Variants in GPC5 observed in about 807,000 individuals in gnomAD.
The protein encoded by GPC5 is glypican-5.
GPC5 carries 47 observed loss-of-function variants against 53.9 expected under a neutral mutation model. The ratio of observed to expected loss-of-function variants is 0.87; its 90% CI spans 0.69 to 1.11. The LOEUF is 1.11. Among genes scored for constraint, GPC5 ranks in the 50% most tolerant of loss-of-function variants. The probability of loss-of-function intolerance (pLI) is 0.00; values close to 1 mark genes in which losing one functional copy is unlikely to be tolerated. For missense variants in GPC5, 748 were observed against 713.1 expected (o/e 1.05, Z -0.56); for synonymous variants, 286 against 263.3 (o/e 1.09, Z -0.84).
At chr13:92,593,059 G>A (rs1405551242) in intron 7 of GPC5, among the ~76,000 whole-genome samples, 1 of 151,242 alleles carries the variant, frequency 6.6e-6, no homozygotes, top group Non-Finnish European at 1.5e-5. Context: ...TGGAGTGAAT[G>A]AGGTTGAGGG....
intron 7 of GPC5, among the ~76,000 whole-genome samples, chr13:92,288,516 G>T (rs12874274): frequency 6.2e-4 from 94 of 152,176 alleles, no homozygotes; most frequent in Non-Finnish European, 7.4e-5. Context: ...CTTCTATTGT[G>T]ACTATAGTCA....
In GPC5 at chr13:92,799,196, A is replaced by C. The variant is rs140950545; in HGVS notation, c.1562-67086A>C. ...CGTAAGTGGGAAGGTGGCTGGCCTT[A>C]TGGTTAATTTCACATACTCTGAAAT... On this transcript the variant is annotated intron_variant, in intron 7 of 7. Coordinates refer to ENST00000377067, the MANE Select transcript of GPC5 (RefSeq NM_004466.6). 2.4e-3 allele frequency among the ~76,000 whole-genome samples: 361 copies of C among 151,908 alleles called. 1 individual carries two copies. Among genetic ancestry groups the C allele is most frequent in the African/African-American group, 8.4e-3 (348 of 41,518 alleles).
chr13:91,625,201 A>G (rs1429079381), intron 2 of GPC5, among the ~76,000 whole-genome samples: 2 of 148,822 alleles, frequency 1.3e-5, no homozygotes, highest in Admixed American at 6.7e-5. Context: ...ACATAAGGAA[A>G]CACTACATGC....
intron 5 of GPC5, among the ~76,000 whole-genome samples, chr13:91,794,047 AT>A (rs1233178804): frequency 1.3e-5 from 2 of 152,166 alleles, no homozygotes; most frequent in African/African-American, 4.8e-5. Flanking sequence ...TGTAGTATCT[AT>A]TGTATTCCAG....
intron 6 of GPC5, among the ~76,000 whole-genome samples, chr13:92,013,717 C>A (rs2040682004): frequency 6.6e-6 from 1 of 152,026 alleles, no homozygotes; most frequent in African/African-American, 2.4e-5. Flanking sequence ...TCCCTTTTTC[C>A]CAGCAATAAC....
chr13:92,850,376 A>G (rs1878753414), intron 7 of GPC5, among the ~76,000 whole-genome samples: 1 of 152,104 alleles, frequency 6.6e-6, no homozygotes, highest in Non-Finnish European at 1.5e-5. Context: ...AAGGCAGGCG[A>G]ATGACTTGAG....
At chr13:92,288,941 C>T (rs1480631844) in intron 7 of GPC5, among the ~76,000 whole-genome samples, 2 of 152,064 alleles carry the variant, frequency 1.3e-5, no homozygotes, top group East Asian at 1.9e-4. Flanking sequence ...TGTGATACAT[C>T]GTTGAACCAT....
intron 6 of GPC5, among the ~76,000 whole-genome samples, chr13:92,046,047 GT>G (rs1374384145): frequency 6.6e-6 from 1 of 151,888 alleles, no homozygotes; most frequent in African/African-American, 2.4e-5. Context: ...GGAGGCGGCA[GT>G]TGCAGTGACC....
intron 7 of GPC5, among the ~76,000 whole-genome samples, chr13:92,815,764 C>T (rs1877451549): frequency 1.3e-5 from 2 of 151,538 alleles, no homozygotes; most frequent in South Asian, 4.2e-4. Flanking sequence ...AAGGCAGAGC[C>T]AATACAATGC....
At chr13:92,564,252 C>A (rs79299836) in intron 7 of GPC5, among the ~76,000 whole-genome samples, 1 of 151,878 alleles carries the variant, frequency 6.6e-6, no homozygotes, top group African/African-American at 2.4e-5. Context: ...CCAAAGCACC[C>A]TATTCTTCCC....
chr13:92,734,385 C>T (rs1888883601), intron 7 of GPC5, among the ~76,000 whole-genome samples: 1 of 151,686 alleles, frequency 6.6e-6, no homozygotes, highest in African/African-American at 2.4e-5. Flanking sequence ...GGCTATGATA[C>T]AAAAAGCACA....
chr13:92,188,167 T>C (rs532554654), intron 7 of GPC5, among the ~76,000 whole-genome samples: 2 of 152,256 alleles, frequency 1.3e-5, no homozygotes, highest in African/African-American at 2.4e-5. Flanking sequence ...TAGTTGCATA[T>C]GTAATATTTA....
At chr13:92,236,595 G>A (rs994212342) in intron 7 of GPC5, among the ~76,000 whole-genome samples, 10 of 151,968 alleles carry the variant, frequency 6.6e-5, no homozygotes, top group African/African-American at 2.2e-4. Context: ...CAATATGAAT[G>A]TCTAAGGTAA....
At chr13:91,447,892 G>T (rs1880913291) in intron 1 of GPC5, among the ~76,000 whole-genome samples, 1 of 151,774 alleles carries the variant, frequency 6.6e-6, no homozygotes, top group Non-Finnish European at 1.5e-5. Flanking sequence ...ATGCCCTGGG[G>T]CTCACATCAG....
At chr13:91,668,997 C>T (rs896229662) in intron 2 of GPC5, among the ~76,000 whole-genome samples, 2 of 152,076 alleles carry the variant, frequency 1.3e-5, no homozygotes, top group African/African-American at 4.8e-5. Context: ...CAAGGCCTAA[C>T]AGAGGAGTAC....
At chr13:92,482,857 T>C (rs953647170) in intron 7 of GPC5, among the ~76,000 whole-genome samples, 3 of 152,186 alleles carry the variant, frequency 2.0e-5, no homozygotes, top group Admixed American at 2.0e-4. Context: ...GATACTGTAT[T>C]AGTCTGTTCT....
intron 2 of GPC5, among the ~76,000 whole-genome samples, chr13:91,673,227 A>G (rs1271541148): frequency 6.6e-6 from 1 of 151,724 alleles, no homozygotes; most frequent in African/African-American, 2.4e-5. Context: ...TGAGGGAAAA[A>G]AAGAAACAAC....
chr13:91,417,564 A>G (rs1436108303), intron 1 of GPC5, among the ~76,000 whole-genome samples: 1 of 152,158 alleles, frequency 6.6e-6, no homozygotes. Context: ...GGAGGAGTAC[A>G]CTAAGTTGTT....
rs536918878 is a variant in GPC5, at chr13:91,862,710, A to G, written c.1281-45227A>G. ...ACACAATACATGCACAGTACAACAA[A>G]CAAAACCAGAAAATTAATGTTAATA... On this transcript the variant is annotated intron_variant, in intron 5 of 7. Coordinates refer to ENST00000377067, the MANE Select transcript of GPC5 (RefSeq NM_004466.6). Among the ~76,000 whole-genome samples the G allele has an allele frequency of 5.3e-5, 8 of 152,298 alleles. No homozygotes were observed. The South Asian group carries it at 1.7e-3, about 32-fold the overall frequency.
Sources: allele counts gnomAD v4.1 joint callset (sites outside exome capture counted in the v4.1 genomes callset), GRCh38; gene constraint gnomAD v4.1.1; transcripts MANE v1.5; gene names NCBI Gene and HGNC (gene_info 2026-07-23, HGNC 2026-07-21).